The following ADAMTS14 variants were observed in gnomAD, a reference collection of about 807,000 sequenced individuals.
ADAMTS14 encodes the protein ADAM metallopeptidase with thrombospondin type 1 motif 14.
A neutral mutation model predicts 128.6 loss-of-function variants in ADAMTS14; 100 were observed. The ratio of observed to expected loss-of-function variants is 0.78; its 90% CI spans 0.66 to 0.92. The LOEUF is 0.92. ADAMTS14 is among the 40% of genes least tolerant of loss of function. The probability of loss-of-function intolerance (pLI) is 0.00; values close to 1 mark genes in which losing one functional copy is unlikely to be tolerated. For synonymous variants in ADAMTS14, 665 were observed against 653.8 expected, an observed-to-expected ratio of 1.02 and a Z score of -0.26; for missense variants, 1,562 against 1,658.6, an observed-to-expected ratio of 0.94 and a Z score of 1.01.
In ADAMTS14 at chr10:70,702,432, G is replaced by C; in HGVS notation, c.643G>C (p.Glu215Gln). 6.2e-7 allele frequency: 1 copy of C among 1,613,388 alleles called. No homozygotes were observed. Among genetic ancestry groups the C allele is most frequent in the Non-Finnish European group, 8.5e-7 (1 of 1,179,624 alleles). The change falls in exon 3 of 22, where the codon GAG (glutamate) becomes CAG (glutamine). Residue 215 changes from glutamate (E) to glutamine (Q), a missense_variant. By Grantham distance (29) the Glu-to-Gln change is conservative (BLOSUM62 2). Coordinates refer to ENST00000373207, the MANE Select transcript of ADAMTS14 (RefSeq NM_080722.4). ...GTACCGCCGGGAGGCCGTCCAGCAG[G>C]AGTGGGCAGAACCTGACGGGGACCT... is the stretch of plus-strand genomic sequence containing the variant. ...VVYRREAVQQ[E>Q]WAEPDGDLHN... is the part of the protein sequence containing the mutation.
chr10:70,679,800 A>T (rs1358531797), intron 2 of ADAMTS14, among the ~76,000 whole-genome samples: 1 of 152,088 alleles, frequency 6.6e-6, no homozygotes, highest in Non-Finnish European at 1.5e-5. Context: ...TGCATTTTTG[A>T]TGGGTTATAC....
chr10:70,714,792 A>T (rs1216783101), intron 4 of ADAMTS14, among the ~76,000 whole-genome samples: 1 of 151,944 alleles, frequency 6.6e-6, no homozygotes, highest in Non-Finnish European at 1.5e-5. Context: ...TACTAAAAAT[A>T]CAAAAATTAG....
At chr10:70,715,208 G>A (rs1175429451) in intron 4 of ADAMTS14, among the ~76,000 whole-genome samples, 1 of 152,176 alleles carries the variant, frequency 6.6e-6, no homozygotes, top group Non-Finnish European at 1.5e-5. Flanking sequence ...AAGGAAAGCT[G>A]AGAAGGCTTC....
intron 2 of ADAMTS14, among the ~76,000 whole-genome samples, chr10:70,692,780 A>C (rs1840227962): frequency 6.6e-6 from 1 of 152,180 alleles, no homozygotes. Flanking sequence ...ATCCTCTATC[A>C]GTCCCCTTTT....
chr10:70,730,301 A>C, intron 6 of ADAMTS14, 52 bp downstream of exon 6: 2 of 1,575,254 alleles, frequency 1.3e-6, no homozygotes, highest in Non-Finnish European at 1.7e-6. Context: ...CATGCACGGC[A>C]GACAGAGGCT....
At chr10:70,699,808 G>A (rs1054868755) in intron 2 of ADAMTS14, among the ~76,000 whole-genome samples, 2 of 152,164 alleles carry the variant, frequency 1.3e-5, no homozygotes, top group Non-Finnish European at 2.9e-5. Flanking sequence ...TGTGTGGGAG[G>A]GGCTGAACAG....
rs145284024 is a variant in ADAMTS14, at chr10:70,721,449, G to A, written c.871-7845G>A. 1.7e-3 allele frequency among the ~76,000 whole-genome samples: 252 copies of A among 150,986 alleles called. 2 individuals are homozygous for A. The highest frequency in any genetic ancestry group is 5.3e-3 in the African/African-American group (219 of 40,954). ...TGCCCAGGATGGAGTGCAGTGGTGC[G>A]ATCTCAGCTCACTGCAAGCTCTGCC... On this transcript the variant is annotated intron_variant, in intron 4 of 21. Transcript: ENST00000373207.
In ADAMTS14 at chr10:70,702,441, G is replaced by A. The variant is rs1840525276; in HGVS notation, c.652G>A (p.Glu218Lys). 6.2e-7 allele frequency: 1 copy of A among 1,612,020 alleles called. No individual in the cohort carries two copies. Among genetic ancestry groups the A allele is most frequent in the Admixed American group, 1.7e-5 (1 of 59,830 alleles). The stretch of plus-strand genomic sequence containing the variant: ...GGAGGCCGTCCAGCAGGAGTGGGCA[G>A]AACCTGACGGGGACCTGCACAATGA... ...RREAVQQEWA[E>K]PDGDLHNEAF... Residue 218 changes from glutamate (E) to lysine (K), a missense_variant, in exon 3 of 22, where the codon GAA becomes AAA. Physicochemically the swap from Glu to Lys is moderately conservative, Grantham distance 56 (BLOSUM62 1). Coordinates refer to ENST00000373207, the MANE Select transcript of ADAMTS14 (RefSeq NM_080722.4).
At chr10:70,729,207 A>G in intron 4 of ADAMTS14, 87 bp from the exon 5 acceptor site, 1 of 1,126,648 alleles carries the variant, frequency 8.9e-7, no homozygotes. Context: ...TGGGGATACC[A>G]TATGTTAGGT....
At chr10:70,713,623 G>T (rs1840928673) in intron 4 of ADAMTS14, among the ~76,000 whole-genome samples, 1 of 152,238 alleles carries the variant, frequency 6.6e-6, no homozygotes, top group Non-Finnish European at 1.5e-5. Context: ...AATGCCAAAG[G>T]TCTCTTTCTT....
chr10:70,686,305 AT>A (rs1482896859), intron 2 of ADAMTS14, among the ~76,000 whole-genome samples: 2 of 66,414 alleles, frequency 3.0e-5, no homozygotes, highest in African/African-American at 1.2e-4. Context: ...TTATTTTTTT[AT>A]TGATAATTCT....
rs1839934525 is a variant in ADAMTS14, at chr10:70,685,781, A to G, written c.522+10786A>G. Among the ~76,000 whole-genome samples the G allele has an allele frequency of 4.6e-5, 7 of 152,230 alleles. No individual in the cohort carries two copies. In the South Asian group the frequency reaches 1.4e-3, roughly 32 times the overall value. ...ATATGGTAGCTGTGGCAACAGCTTC[A>G]GAATGATTAATGCTAAAAGTGATTG... On this transcript the variant is annotated intron_variant, in intron 2 of 21. Coordinates refer to ENST00000373207, the MANE Select transcript of ADAMTS14 (RefSeq NM_080722.4).
At chr10:70,726,393 G>A (rs1034820649) in intron 4 of ADAMTS14, among the ~76,000 whole-genome samples, 6 of 152,240 alleles carry the variant, frequency 3.9e-5, no homozygotes, top group Non-Finnish European at 8.8e-5. Context: ...ACACGTGGAG[G>A]AAGGCAGCAG....
At position 70,745,300 on chromosome 10, in the gene ADAMTS14, C is replaced by T. The variant is rs749720359; in HGVS notation, c.2257C>T (p.Arg753Cys). The change falls in exon 15 of 22, where the codon CGC (arginine) becomes TGC (cysteine). Residue 753 changes from arginine (R) to cysteine (C), a missense_variant. Coordinates refer to ENST00000373207, the MANE Select transcript of ADAMTS14 (RefSeq NM_080722.4). Reference protein sequence around the residue: ...QIEALEKSPHRIVVKNQVTGS... With the variant: ...QIEALEKSPHCIVVKNQVTGS... ...TGAGGCACTGGAGAAGTCCCCCCAC[C>T]GCATTGGTGAGTGCTGGGGTGCTGG... 3.5e-5 allele frequency: 57 copies of T among 1,612,378 alleles called. No individual in the cohort carries two copies. The highest frequency in any genetic ancestry group is 9.3e-5 in the African/African-American group (7 of 74,884).
intron 2 of ADAMTS14, among the ~76,000 whole-genome samples, chr10:70,692,973 C>T (rs1157044752): frequency 1.3e-5 from 2 of 152,174 alleles, no homozygotes; most frequent in African/African-American, 2.4e-5. Context: ...GCTCATGATT[C>T]TGCAGGCTGT....
intron 3 of ADAMTS14, among the ~76,000 whole-genome samples, chr10:70,704,304 T>G (rs557838923): frequency 6.6e-6 from 1 of 152,134 alleles, no homozygotes; most frequent in Admixed American, 6.5e-5. Context: ...AGGCCTCAGC[T>G]GCTGCTTCCT....
At position 70,754,024 on chromosome 10, in the gene ADAMTS14, A is replaced by G; in HGVS notation, c.2937+17A>G. On this transcript the variant is annotated intron_variant, in intron 19 of 21. Coordinates refer to ENST00000373207, the MANE Select transcript of ADAMTS14 (RefSeq NM_080722.4). ...TGGTCCCAGGTGACTTGTCCTCAGGAGGTGGGAGGGGCTTGGGGAGGAGGT... is the reference window on the plus strand; with the variant it reads ...TGGTCCCAGGTGACTTGTCCTCAGGGGGTGGGAGGGGCTTGGGGAGGAGGT... 1 of 1,249,146 alleles carries G rather than the reference A, an allele frequency of 8.0e-7. No individual in the cohort carries two copies. The highest frequency in any genetic ancestry group is 3.6e-5 in the East Asian group (1 of 27,940). 77.4% of individuals were successfully genotyped at this position (1,249,146 alleles called of 1,614,324 possible).
chr10:70,739,522 A>G (rs1184387765), intron 11 of ADAMTS14, among the ~76,000 whole-genome samples: 6 of 151,572 alleles, frequency 4.0e-5, no homozygotes, highest in Admixed American at 6.6e-5. Context: ...CTTCTCCCCA[A>G]CTCCATGGTT....
chr10:70,711,578 A>G (rs987360323), intron 4 of ADAMTS14, among the ~76,000 whole-genome samples: 3 of 152,236 alleles, frequency 2.0e-5, no homozygotes, highest in Admixed American at 6.5e-5. Context: ...CAGGGTATCT[A>G]GCACATGCCT....
Sources: allele counts gnomAD v4.1 joint callset (sites outside exome capture counted in the v4.1 genomes callset), GRCh38; gene constraint gnomAD v4.1.1; transcripts MANE v1.5; gene names NCBI Gene and HGNC (gene_info 2026-07-23, HGNC 2026-07-21).